CACNA1H: variants seen among roughly 807,000 people sequenced by gnomAD.
CACNA1H encodes the protein voltage-dependent T-type calcium channel subunit alpha-1H.
Under a neutral mutation model 192.5 loss-of-function variants are expected in CACNA1H, and 149 were observed. The ratio of observed to expected loss-of-function variants is 0.77; its 90% confidence interval spans 0.68 to 0.89. The LOEUF (loss-of-function observed/expected upper bound fraction) is 0.89, where lower values mean the gene tolerates loss of function less well. Ranked by LOEUF, CACNA1H falls within the 40% of genes least tolerant of loss-of-function variation. CACNA1H has a pLI of 0.00. For synonymous variants in CACNA1H, 2,202 were observed against 1,475.2 expected (o/e 1.49, Z -11.29); for missense variants, 4,257 against 3,423.5 (o/e 1.24, Z -6.08).
intron 28 of CACNA1H, 50 bp downstream of exon 28, chr16:1,215,131 G>T: frequency 6.3e-7 from 1 of 1,587,124 alleles, no homozygotes; most frequent in East Asian, 2.3e-5. Flanking sequence ...CAGGGCTCTG[G>T]GGGCTGGGGG....
chr16:1,171,885 G>A (rs894234708), intron 2 of CACNA1H, among the ~76,000 whole-genome samples: 12 of 152,250 alleles, frequency 7.9e-5, no homozygotes, highest in African/African-American at 2.7e-4. Flanking sequence ...AGAGGGTCAG[G>A]GCAGAGCCCA....
rs765187150 is a variant in CACNA1H, at chr16:1,209,295, C to T, written c.3627C>T (p.Leu1209=). Residue 1209 remains leucine (L), a synonymous_variant, in exon 17 of 35, where the codon CTC becomes CTT. Transcript: ENST00000348261. ...LDPRPLRPAA[L]PPTKCRDRDG... The stretch of plus-strand genomic sequence containing the variant: ...CACGGCCCCTGCGGCCGGCCGCCCT[C>T]CCGCCTACCAAGTGCCGCGATCGCG... The T allele has an allele frequency of 8.2e-6, 13 of 1,587,104 alleles. No homozygotes were observed. Among genetic ancestry groups the T allele is most frequent in the Non-Finnish European group, 1.1e-5 (13 of 1,173,632 alleles).
At chr16:1,185,037 C>G (rs905984978) in intron 2 of CACNA1H, among the ~76,000 whole-genome samples, 6 of 152,206 alleles carry the variant, frequency 3.9e-5, no homozygotes, top group Non-Finnish European at 7.3e-5. Flanking sequence ...CCCATCAGCC[C>G]TCGCTGCCCA....
At chr16:1,203,604 G>A (rs1435047616) in intron 9 of CACNA1H, among the ~76,000 whole-genome samples, 1 of 152,142 alleles carries the variant, frequency 6.6e-6, no homozygotes, top group Non-Finnish European at 1.5e-5. Context: ...AGCTCTGGAG[G>A]CCAGTGCTCC....
chr16:1,164,132 C>T (rs1335617790), intron 2 of CACNA1H, among the ~76,000 whole-genome samples: 2 of 152,182 alleles, frequency 1.3e-5, no homozygotes, highest in African/African-American at 4.8e-5. Context: ...AGCAAGGGCC[C>T]TGGGCCTGAG....
chr16:1,175,681 C>T (rs138214654), intron 2 of CACNA1H, among the ~76,000 whole-genome samples: 79 of 152,340 alleles, frequency 5.2e-4, no homozygotes, highest in Middle Eastern at 6.8e-3. Context: ...CCGCAGATGC[C>T]GGAGGGAGGA....
intron 2 of CACNA1H, among the ~76,000 whole-genome samples, chr16:1,169,310 A>G (rs1964124468): frequency 6.6e-6 from 1 of 152,086 alleles, no homozygotes; most frequent in African/African-American, 2.4e-5. Flanking sequence ...GCACTTGGTG[A>G]AGGGCTGGCA....
At chr16:1,194,384 C>T (rs1357256062) in intron 2 of CACNA1H, among the ~76,000 whole-genome samples, 1 of 152,202 alleles carries the variant, frequency 6.6e-6, no homozygotes, top group African/African-American at 2.4e-5. Context: ...GCCTCTCCCT[C>T]CTTCCTCTGG....
At chr16:1,166,591 C>G (rs1454534516) in intron 2 of CACNA1H, among the ~76,000 whole-genome samples, 1 of 152,170 alleles carries the variant, frequency 6.6e-6, no homozygotes, top group Non-Finnish European at 1.5e-5. Flanking sequence ...TTCCTCGCCC[C>G]GAGAGGAAAC....
Position 1,208,147 on chromosome 16 carries a change from GC to G in CACNA1H, c.3294del (p.Ser1099AlafsTer245). ...TPKSSPFLDAAPSLPDSRRGS... is the reference protein window; with the variant it reads ...TPKSSPFLDAXPSLPDSRRGS... The stretch of plus-strand genomic sequence containing the variant: ...CAAGAGCTCACCATTCCTGGATGCA[GC>G]CCCCAGCCTCCCAGACTCTCGGCGT... On this transcript the variant is annotated frameshift_variant, in exon 16 of 35. Coordinates refer to ENST00000348261, the MANE Select transcript of CACNA1H (RefSeq NM_021098.3). LOFTEE classifies it high-confidence loss of function. 2 of 1,582,098 alleles carry G rather than the reference GC, an allele frequency of 1.3e-6. No individual in the cohort carries two copies. The highest frequency in any genetic ancestry group is 1.8e-5 in the Admixed American group (1 of 56,302).
intron 2 of CACNA1H, among the ~76,000 whole-genome samples, chr16:1,156,632 C>T (rs1962438920): frequency 6.6e-6 from 1 of 152,150 alleles, no homozygotes; most frequent in Non-Finnish European, 1.5e-5. Flanking sequence ...CAGGGCCCCG[C>T]ATCCCTCCTG....
At position 1,198,761 on chromosome 16, in the gene CACNA1H, A is replaced by G. The variant is rs745571869; in HGVS notation, c.790A>G (p.Ser264Gly). Residue 264 changes from serine (S) to glycine (G), a missense_variant, in exon 6 of 35, where the codon AGT becomes GGT. By Grantham distance (56) the Ser-to-Gly change is moderately conservative. Transcript: ENST00000348261. ...GLLRNRCFLDSAFVRNNNLTF... is the reference protein window; with the variant it reads ...GLLRNRCFLDGAFVRNNNLTF... ...CCTGCGGAACCGCTGCTTCCTGGAC[A>G]GTGCCTTTGTCAGGTGCCCAGGCCC... The G allele has an allele frequency of 1.9e-6, 3 of 1,611,616 alleles. No homozygotes were observed. Among genetic ancestry groups the G allele is most frequent in the Non-Finnish European group, 2.5e-6 (3 of 1,179,216 alleles).
In CACNA1H at chr16:1,208,122, C is replaced by T. The variant is rs1257816007; in HGVS notation, c.3264C>T (p.Pro1088=). The part of the protein sequence containing the change: ...MCTAATPMPT[P]KSSPFLDAAP... ...CAGCTGCCACGCCCATGCCTACCCC[C>T]AAGAGCTCACCATTCCTGGATGCAG... Residue 1088 remains proline (P), a synonymous_variant, in exon 16 of 35, where the codon CCC becomes CCT. Coordinates refer to ENST00000348261, the MANE Select transcript of CACNA1H (RefSeq NM_021098.3). 6.3e-7 allele frequency: 1 copy of T among 1,593,710 alleles called. No homozygotes were observed. Among genetic ancestry groups the T allele is most frequent in the Non-Finnish European group, 8.5e-7 (1 of 1,171,544 alleles).
rs542715085 is a variant in CACNA1H at position 1,187,553 on chromosome 16, C to T, written c.300-7419C>T. 3.3e-5 allele frequency among the ~76,000 whole-genome samples: 5 copies of T among 152,366 alleles called. No homozygotes were observed. The South Asian group carries it at 1.0e-3, about 32-fold the overall frequency. On this transcript the variant is annotated intron_variant, in intron 2 of 34. Coordinates refer to ENST00000348261, the MANE Select transcript of CACNA1H (RefSeq NM_021098.3). ...GGGGCTCAGCTGGCTGAGCAGATTG[C>T]TCTAGGGGACAGCGGGTGGGGCAGG... is the stretch of plus-strand genomic sequence containing the variant.
rs866588081 is a variant in CACNA1H at position 1,153,402 on chromosome 16, G to A, written c.-87G>A. The A allele has an allele frequency of 2.7e-5, 4 of 145,528 alleles. No individual in the cohort carries two copies. The highest frequency in any genetic ancestry group is 1.8e-4 in the South Asian group (1 of 5,438). The allele number at this position is 145,528 out of a possible 1,614,324, so 9.0% of individuals were successfully genotyped here. ...GGGGCCGGGGCCGGGGCCGGGCGCC[G>A]AGCGGGGTCCGCGGTGACCGCGCCG... On this transcript the variant is annotated 5_prime_UTR_variant, in exon 1 of 35. Transcript: ENST00000348261.
intron 14 of CACNA1H, 135 bp from the exon 15 acceptor site, chr16:1,207,635 A>C: frequency 2.1e-6 from 2 of 934,890 alleles, no homozygotes; most frequent in Non-Finnish European, 3.3e-6. Context: ...CTACCTGCCC[A>C]CCCTGGCAGT....
rs916882920 is a variant in CACNA1H at position 1,215,439 on chromosome 16, G to C, written c.5173+64G>C. 241 of 1,577,462 alleles carry C rather than the reference G, an allele frequency of 1.5e-4. 2 individuals are homozygous for C. Among genetic ancestry groups the C allele is most frequent in the Non-Finnish European group, 2.0e-4 (235 of 1,160,506 alleles). On this transcript the variant is annotated intron_variant, in intron 29 of 34. Transcript: ENST00000348261. ...GGAGGGTGGGGGCTCAGCCATGGGT[G>C]GGAGTGAGGGGCGGGGCGGCCAGGG... is the stretch of plus-strand genomic sequence containing the variant.
chr16:1,203,411 C>T (rs189205201), intron 9 of CACNA1H, among the ~76,000 whole-genome samples: 17 of 152,280 alleles, frequency 1.1e-4, no homozygotes, highest in African/African-American at 3.9e-4. Context: ...CTGTGGATGG[C>T]ACAGCCCAAG....
In CACNA1H at chr16:1,210,346, TCTCACCCGCCCCCGCCCACCC is replaced by T; in HGVS notation, c.3846-23_3846-3del. The T allele has an allele frequency of 4.1e-6, 1 of 243,716 alleles. No individual in the cohort carries two copies. Among genetic ancestry groups the T allele is most frequent in the Non-Finnish European group, 6.4e-6 (1 of 155,224 alleles). The allele number at this position is 243,716 out of a possible 1,614,324, so 15.1% of individuals were successfully genotyped here. Reference sequence around the variant, plus strand: ...GCCATCCACGCCGCCCCGCCCCACCTCTCACCCGCCCCCGCCCACCCAGGTTCCGCGTCTCCTGCCAGAAGG... The same window carrying T: ...GCCATCCACGCCGCCCCGCCCCACCTAGGTTCCGCGTCTCCTGCCAGAAGG... On this transcript the variant is annotated splice_polypyrimidine_tract_variant and splice_region_variant and intron_variant, in intron 18 of 34. Transcript: ENST00000348261.
Sources: allele counts gnomAD v4.1 joint callset (sites outside exome capture counted in the v4.1 genomes callset), GRCh38; gene constraint gnomAD v4.1.1; transcripts MANE v1.5; gene names NCBI Gene and HGNC (gene_info 2026-07-23, HGNC 2026-07-21).